ERC2: variants seen among roughly 807,000 people sequenced by gnomAD.
The protein encoded by ERC2 is ELKS/RAB6-interacting/CAST family member 2.
A neutral mutation model predicts 114.8 loss-of-function variants in ERC2; 42 were observed. That is an observed-to-expected ratio of 0.37 (90% CI 0.29 to 0.47). ERC2 has a LOEUF of 0.47. Ranked by LOEUF, ERC2 falls within the 20% of genes least tolerant of loss-of-function variation. The pLI is 0.99. For synonymous variants in ERC2, 454 were observed against 425.5 expected (o/e 1.07, Z -0.82); for missense variants, 939 against 1,150.7 (o/e 0.82, Z 2.66).
intron 14 of ERC2, among the ~76,000 whole-genome samples, chr3:55,864,681 T>C (rs1575915880): frequency 6.6e-6 from 1 of 152,152 alleles, no homozygotes; most frequent in Non-Finnish European, 1.5e-5. Context: ...TGGCTGCAAA[T>C]GCCTGAAAAG....
intron 14 of ERC2, among the ~76,000 whole-genome samples, chr3:55,860,124 A>G (rs1186847411): frequency 6.6e-6 from 1 of 152,192 alleles, no homozygotes; most frequent in Non-Finnish European, 1.5e-5. Flanking sequence ...CGGTTCCTGC[A>G]GCTGGAAATC....
chr3:55,776,269 G>A (rs886699299), intron 14 of ERC2, among the ~76,000 whole-genome samples: 1 of 152,004 alleles, frequency 6.6e-6, no homozygotes, highest in Non-Finnish European at 1.5e-5. Flanking sequence ...CTCAAGAAGC[G>A]GGTCTGTCTG....
intron 1 of ERC2, among the ~76,000 whole-genome samples, chr3:56,464,566 T>A (rs1422277767): frequency 1.3e-5 from 2 of 152,254 alleles, no homozygotes; most frequent in African/African-American, 4.8e-5. Flanking sequence ...TTGATATATG[T>A]TAGCATGTCT....
At chr3:55,698,962 C>A (rs2063081871) in intron 16 of ERC2, among the ~76,000 whole-genome samples, 1 of 152,158 alleles carries the variant, frequency 6.6e-6, no homozygotes, top group South Asian at 2.1e-4. Flanking sequence ...TTTTACCTCA[C>A]CATTAATTTG....
chr3:55,537,745 C>A (rs1235343475), intron 17 of ERC2, among the ~76,000 whole-genome samples: 1 of 152,140 alleles, frequency 6.6e-6, no homozygotes, highest in African/African-American at 2.4e-5. Flanking sequence ...CCTTAGAAAC[C>A]AAAGTCCTGC....
chr3:55,765,647 T>C (rs1012198513), intron 14 of ERC2, among the ~76,000 whole-genome samples: 16 of 152,324 alleles, frequency 1.1e-4, no homozygotes, highest in East Asian at 3.9e-4. Context: ...GAGGCTTTTT[T>C]CCCTGAGGTT....
intron 13 of ERC2, among the ~76,000 whole-genome samples, chr3:55,900,761 C>G (rs2064091396): frequency 6.6e-6 from 1 of 152,102 alleles, no homozygotes; most frequent in Non-Finnish European, 1.5e-5. Flanking sequence ...CTCAAACACA[C>G]AGTAGATAGT....
Position 56,444,108 on chromosome 3 carries a change from C to T in ERC2, c.-140-8961G>A, listed in dbSNP as rs530970425. Among the ~76,000 whole-genome samples, 125 of 151,300 alleles carry T rather than the reference C, an allele frequency of 8.3e-4. 1 individual carries two copies. Among genetic ancestry groups the T allele is most frequent in the Admixed American group, 7.1e-3 (108 of 15,212 alleles). On this transcript the variant is annotated intron_variant, in intron 1 of 17. Coordinates refer to ENST00000288221, the MANE Select transcript of ERC2 (RefSeq NM_015576.3). ...CTCCCCAGTAGCTGGGACCAAGGCG[C>T]CCACCACCACACCTGGCTAATTTTT...
At chr3:56,223,688 ACT>A (rs779499119) in intron 3 of ERC2, among the ~76,000 whole-genome samples, 12 of 152,078 alleles carry the variant, frequency 7.9e-5, no homozygotes, top group Non-Finnish European at 1.3e-4. Flanking sequence ...TCTCTTTGGC[ACT>A]CTCTGTAGTG....
chr3:55,517,248 C>G (rs1352112633), intron 17 of ERC2, among the ~76,000 whole-genome samples: 1 of 152,014 alleles, frequency 6.6e-6, no homozygotes, highest in Non-Finnish European at 1.5e-5. Flanking sequence ...CAAGACCAGC[C>G]TAGCCAACAT....
intron 7 of ERC2, among the ~76,000 whole-genome samples, chr3:56,038,842 C>T (rs2074965861): frequency 6.6e-6 from 1 of 152,154 alleles, no homozygotes; most frequent in African/African-American, 2.4e-5. Context: ...AACAGAAAAC[C>T]AAACACTGCA....
At chr3:56,101,549 C>T (rs1379864351) in intron 6 of ERC2, among the ~76,000 whole-genome samples, 1 of 152,094 alleles carries the variant, frequency 6.6e-6, no homozygotes. Flanking sequence ...GGAAGTGAGC[C>T]TCAGGAAAGT....
chr3:56,088,028 C>T (rs899555769), intron 6 of ERC2, among the ~76,000 whole-genome samples: 1 of 152,114 alleles, frequency 6.6e-6, no homozygotes, highest in Non-Finnish European at 1.5e-5. Context: ...TCTCAGGCGC[C>T]TTTTGGGAAG....
intron 3 of ERC2, among the ~76,000 whole-genome samples, chr3:56,252,903 AATAG>A (rs1202211918): frequency 6.6e-6 from 1 of 152,204 alleles, no homozygotes; most frequent in Admixed American, 6.5e-5. Context: ...TTCACTTGGA[AATAG>A]ATAGAAAACT....
At chr3:55,800,989 T>C (rs1238218352) in intron 14 of ERC2, among the ~76,000 whole-genome samples, 1 of 152,176 alleles carries the variant, frequency 6.6e-6, no homozygotes, top group Non-Finnish European at 1.5e-5. Context: ...CCTTCTTTTG[T>C]CCTTTTGGGC....
At chr3:55,638,372 G>C (rs1376168638) in intron 17 of ERC2, among the ~76,000 whole-genome samples, 1 of 152,168 alleles carries the variant, frequency 6.6e-6, no homozygotes, top group East Asian at 1.9e-4. Flanking sequence ...CTTGGTGCAA[G>C]CACAAGGAGC....
In ERC2 at chr3:55,536,500, C is replaced by T. The variant is rs1272870691; in HGVS notation, c.*40-25224G>A. On this transcript the variant is annotated intron_variant, in intron 17 of 17. Transcript: ENST00000288221. ...ATACAGAGTATGTGCCCAATAAGCA[C>T]ATATTGTATTGATTGGCTGAGCTGA... is the stretch of plus-strand genomic sequence containing the variant. Among the ~76,000 whole-genome samples, 2 of 152,194 alleles carry T rather than the reference C, an allele frequency of 1.3e-5. 1 individual carries two copies. The highest frequency in any genetic ancestry group is 2.9e-5 in the Non-Finnish European group (2 of 68,044).
intron 17 of ERC2, among the ~76,000 whole-genome samples, chr3:55,625,415 TA>T (rs557399094): frequency 3.0e-3 from 423 of 139,200 alleles, no homozygotes; most frequent in Middle Eastern, 0.016. Flanking sequence ...ATAGCTAAGT[TA>T]AAAAAAAAAA....
At chr3:56,080,611 T>A (rs1430446980) in intron 7 of ERC2, among the ~76,000 whole-genome samples, 2 of 152,192 alleles carry the variant, frequency 1.3e-5, no homozygotes, top group Non-Finnish European at 2.9e-5. Flanking sequence ...CACTATTTAG[T>A]TTCTAGGTAA....
Sources: gnomAD v4.1 joint callset for allele counts (sites outside exome capture counted in the v4.1 genomes callset) on GRCh38, gnomAD v4.1.1 for gene constraint, MANE v1.5 for transcripts, NCBI Gene and HGNC (gene_info 2026-07-23, HGNC 2026-07-21) for gene names.